ZC4H2: variants seen among roughly 807,000 people sequenced by gnomAD.
ZC4H2 encodes zinc finger C4H2-type containing, also known as zinc finger C4H2 domain-containing protein.
For synonymous variants in ZC4H2, 84 were observed against 66.3 expected, an observed-to-expected ratio of 1.27 and a Z score of -1.30; for missense variants, 137 against 173.9, an observed-to-expected ratio of 0.79 and a Z score of 1.19.
At chrX:64,973,111 T>A (rs772306691) in intron 1 of ZC4H2, among the ~76,000 whole-genome samples, 1 of 111,509 alleles carries the variant, frequency 9.0e-6, no homozygotes, top group Non-Finnish European at 1.9e-5. Context: ...TCCTGCTTTA[T>A]TTTGATTAAT....
At chrX:64,988,111 C>A (rs1932229995) in intron 1 of ZC4H2, among the ~76,000 whole-genome samples, 1 of 109,987 alleles carries the variant, frequency 9.1e-6, no homozygotes, top group South Asian at 4.0e-4. Flanking sequence ...ATATGTGCCA[C>A]GTTTTCTTAA....
rs1055887112 is a variant in ZC4H2 at position 65,034,181 on chromosome X, T to C, written c.-272+448A>G. ...AACTTGGCTGTAATTTCAAAGCCCA[T>C]TCTCTAAGCCAGAAGGAAGTGAGAT... On this transcript the variant is annotated intron_variant, in intron 1 of 4. Coordinates refer to the ZC4H2 transcript ENST00000337990. 1.3e-4 allele frequency among the ~76,000 whole-genome samples: 15 copies of C among 111,572 alleles called. 1 individual carries two copies. Among genetic ancestry groups the C allele is most frequent in the African/African-American group, 4.9e-4 (15 of 30,591 alleles).
intron 1 of ZC4H2, among the ~76,000 whole-genome samples, chrX:64,961,386 TG>T (rs1931384371): frequency 8.9e-6 from 1 of 111,752 alleles, no homozygotes; most frequent in African/African-American, 3.2e-5. Context: ...AGAAATTTTT[TG>T]ATCTTAGACA....
chrX:64,965,368 C>A, intron 1 of ZC4H2: 3 of 260,118 alleles, frequency 1.2e-5, no homozygotes, highest in Non-Finnish European at 2.2e-5. Context: ...AGAAATAAAC[C>A]CACAGATGTA....
chrX:64,994,587 G>C (rs747235427), intron 1 of ZC4H2, among the ~76,000 whole-genome samples: 2 of 111,587 alleles, frequency 1.8e-5, no homozygotes, highest in Non-Finnish European at 3.8e-5. Context: ...TGAACTTCAT[G>C]GTTGAAAGTC....
intron 1 of ZC4H2, among the ~76,000 whole-genome samples, chrX:64,955,256 C>T (rs1213559620): frequency 9.0e-6 from 1 of 111,606 alleles, no homozygotes; most frequent in Non-Finnish European, 1.9e-5. Flanking sequence ...GAATTTCATT[C>T]AGTTGTCATT....
At position 64,991,931 on chromosome X, in the gene ZC4H2, T is replaced by C. The variant is rs147584943; in HGVS notation, c.-272+42698A>G. 2.8e-4 allele frequency among the ~76,000 whole-genome samples: 31 copies of C among 112,060 alleles called. 1 individual carries two copies. The East Asian group carries it at 7.6e-3, about 27-fold the overall frequency. On this transcript the variant is annotated intron_variant, in intron 1 of 4. Transcript: ENST00000337990. ...TAAAAGTCAGACACAAAGGACTATATGTTTATGATTCCATTCATGTGAAAT... is the reference window on the plus strand; with the variant it reads ...TAAAAGTCAGACACAAAGGACTATACGTTTATGATTCCATTCATGTGAAAT...
At chrX:65,011,802 G>A (rs1345434055) in intron 1 of ZC4H2, among the ~76,000 whole-genome samples, 1 of 108,857 alleles carries the variant, frequency 9.2e-6, no homozygotes, top group Non-Finnish European at 1.9e-5. Flanking sequence ...TGCAACCTCC[G>A]CCTCCTGGGT....
intron 1 of ZC4H2, among the ~76,000 whole-genome samples, chrX:64,958,961 C>A (rs1287659658): frequency 2.7e-5 from 3 of 111,253 alleles, no homozygotes. Flanking sequence ...TAGCAATAGA[C>A]CCTCTGATTT....
At chrX:65,014,765 T>G (rs1392391212) in intron 1 of ZC4H2, among the ~76,000 whole-genome samples, 1 of 112,101 alleles carries the variant, frequency 8.9e-6, no homozygotes, top group East Asian at 2.8e-4. Flanking sequence ...TTAGTTCTAG[T>G]CCCATCAACA....
At chrX:64,973,192 AT>A (rs1180015587) in intron 1 of ZC4H2, among the ~76,000 whole-genome samples, 2 of 105,885 alleles carry the variant, frequency 1.9e-5, no homozygotes, top group South Asian at 4.0e-4. Flanking sequence ...CTGCCTTTTT[AT>A]TTTTTTTTCT....
chrX:64,992,133 A>T (rs993862366), intron 1 of ZC4H2, among the ~76,000 whole-genome samples: 6 of 112,047 alleles, frequency 5.4e-5, no homozygotes, highest in Non-Finnish European at 9.4e-5. Flanking sequence ...CACTTAAAAC[A>T]TAACTGTATA....
chrX:64,954,472 GTTA>G (rs1394423857), intron 1 of ZC4H2, among the ~76,000 whole-genome samples: 4 of 95,472 alleles, frequency 4.2e-5, no homozygotes, highest in South Asian at 9.1e-4. Context: ...CATTATTATG[GTTA>G]TTATGTTATT....
At chrX:64,960,337 ACT>A (rs1195320455) in intron 1 of ZC4H2, among the ~76,000 whole-genome samples, 1 of 110,007 alleles carries the variant, frequency 9.1e-6, no homozygotes, top group African/African-American at 3.3e-5. Flanking sequence ...AAAAAAGGGG[ACT>A]CTCTCAATTT....
intron 1 of ZC4H2, among the ~76,000 whole-genome samples, chrX:64,967,474 T>C (rs1303625385): frequency 8.9e-6 from 1 of 111,854 alleles, no homozygotes; most frequent in Non-Finnish European, 1.9e-5. Context: ...AATGATAAGA[T>C]CCCTTCCTTC....
chrX:65,001,826 A>G (rs1180956734), intron 1 of ZC4H2, among the ~76,000 whole-genome samples: 6 of 111,950 alleles, frequency 5.4e-5, no homozygotes, highest in Non-Finnish European at 1.1e-4. Context: ...TAAAACAACA[A>G]TTATCAAAAA....
intron 1 of ZC4H2, among the ~76,000 whole-genome samples, chrX:64,928,418 AG>A (rs1173418336): frequency 8.9e-6 from 1 of 112,041 alleles, no homozygotes; most frequent in Non-Finnish European, 1.9e-5. Flanking sequence ...GGTTTGTCAA[AG>A]ATCAGATGGT....
Position 64,976,450 on chromosome X carries a change from T to C in ZC4H2, c.-73A>G, listed in dbSNP as rs950656384. On this transcript the variant is annotated 5_prime_UTR_variant, in exon 1 of 5. Transcript: ENST00000374839. Reference sequence around the variant, plus strand: ...GCCAAGGGATACAATAGACACAATGTAGCCACCTCCTCCGGGCTTGGGGCT... The same window carrying C: ...GCCAAGGGATACAATAGACACAATGCAGCCACCTCCTCCGGGCTTGGGGCT... 171 of 1,077,061 alleles carry C rather than the reference T, an allele frequency of 1.6e-4. 12 individuals carry two copies. Among genetic ancestry groups the C allele is most frequent in the South Asian group, 5.6e-5 (3 of 53,607 alleles). 88.8% of individuals were successfully genotyped at this position (1,077,061 alleles called of 1,213,427 possible).
intron 1 of ZC4H2, among the ~76,000 whole-genome samples, chrX:64,925,650 GC>G (rs1422838349): frequency 8.9e-6 from 1 of 111,760 alleles, no homozygotes; most frequent in Non-Finnish European, 1.9e-5. Flanking sequence ...CTCCCTCCAT[GC>G]CTACTTCTGT....
Sources: gnomAD v4.1 joint callset for allele counts (sites outside exome capture counted in the v4.1 genomes callset) on GRCh38, gnomAD v4.1.1 for gene constraint, MANE v1.5 for transcripts, NCBI Gene and HGNC (gene_info 2026-07-23, HGNC 2026-07-21) for gene names.